Variants in TAMM41 observed in about 807,000 individuals in gnomAD.
The protein encoded by TAMM41 is TAM41 mitochondrial translocator assembly and maintenance homolog.
In TAMM41, 36 loss-of-function variants were observed where a neutral mutation model predicts 44.1. The ratio of observed to expected loss-of-function variants is 0.82; its 90% CI spans 0.63 to 1.08. The LOEUF (loss-of-function observed/expected upper bound fraction) is 1.08. Among genes scored for constraint, TAMM41 ranks in the 50% least tolerant of loss-of-function variants. The probability of loss-of-function intolerance (pLI) is 0.00; values close to 1 mark genes in which losing one functional copy is unlikely to be tolerated. For missense variants in TAMM41, 417 were observed against 404.3 expected (o/e 1.03, Z -0.27); for synonymous variants, 164 against 153.1 (o/e 1.07, Z -0.53).
the TAMM41 span, chr3:11,771,159 C>T: frequency 6.6e-6 from 1 of 152,346 alleles, no homozygotes; most frequent in South Asian, 2.1e-4. Context: ...AGCACAGCCA[C>T]AGTGGGAGGA....
chr3:11,729,793 C>CAAGG, the TAMM41 span, among the ~76,000 whole-genome samples: 14 of 150,406 alleles, frequency 9.3e-5, no homozygotes, highest in Non-Finnish European at 1.9e-4. Flanking sequence ...CTACTGACTG[C>CAAGG]AAGGAAGGAA....
intron 2 of TAMM41, among the ~76,000 whole-genome samples, chr3:11,841,626 A>C (rs1465418500): frequency 6.6e-6 from 1 of 152,228 alleles, no homozygotes; most frequent in East Asian, 1.9e-4. Flanking sequence ...AAAATTACTA[A>C]TTACAGGTAG....
chr3:11,763,472 A>T, the TAMM41 span, among the ~76,000 whole-genome samples: 1 of 152,192 alleles, frequency 6.6e-6, no homozygotes, highest in Non-Finnish European at 1.5e-5. Flanking sequence ...AAAAGATGGG[A>T]AAATTGATAA....
At chr3:11,829,428 G>C (rs1346371846) in intron 4 of TAMM41, among the ~76,000 whole-genome samples, 2 of 152,162 alleles carry the variant, frequency 1.3e-5, no homozygotes, top group African/African-American at 4.8e-5. Flanking sequence ...AGGGCATAGG[G>C]AGTTTTCTGT....
Position 11,839,327 on chromosome 3 carries a change from A to G in TAMM41, c.319-13T>C, listed in dbSNP as rs751972820. ...CATATTTGATAAGCTGAAGGAAAAAAGAAATGGCACAAAACGGAGTAAAAT... is the reference window on the plus strand; with the variant it reads ...CATATTTGATAAGCTGAAGGAAAAAGGAAATGGCACAAAACGGAGTAAAAT... On this transcript the variant is annotated splice_polypyrimidine_tract_variant and intron_variant, in intron 2 of 7. Transcript: ENST00000455809. 9 of 1,552,734 alleles carry G rather than the reference A, an allele frequency of 5.8e-6. No individual in the cohort carries two copies. Among genetic ancestry groups the G allele is most frequent in the Non-Finnish European group, 8.0e-6 (9 of 1,127,456 alleles).
At chr3:11,838,854 C>A (rs971348913) in intron 3 of TAMM41, among the ~76,000 whole-genome samples, 2 of 151,990 alleles carry the variant, frequency 1.3e-5, no homozygotes, top group Non-Finnish European at 2.9e-5. Context: ...GGCTCCCTGG[C>A]AACCAGCCCT....
the TAMM41 span, among the ~76,000 whole-genome samples, chr3:11,746,315 A>AT: frequency 2.6e-5 from 4 of 151,850 alleles, no homozygotes; most frequent in Admixed American, 1.3e-4. Context: ...AAAAAAAAAA[A>AT]AAAAAATTTA....
chr3:11,776,341 C>T, the TAMM41 span, among the ~76,000 whole-genome samples: 1 of 151,556 alleles, frequency 6.6e-6, no homozygotes, highest in Non-Finnish European at 1.5e-5. Context: ...TTTTTAGAGA[C>T]AGGGTCTCAC....
At chr3:11,755,421 A>G in the TAMM41 span, among the ~76,000 whole-genome samples, 1 of 152,178 alleles carries the variant, frequency 6.6e-6, no homozygotes, top group African/African-American at 2.4e-5. Flanking sequence ...CAGGAGAGAA[A>G]GAAGAGGTGA....
rs1012876866 is a variant in TAMM41, at chr3:11,841,310, T to C, written c.319-1996A>G. 2.6e-5 allele frequency among the ~76,000 whole-genome samples: 4 copies of C among 152,140 alleles called. No homozygotes were observed. In the East Asian group the frequency reaches 7.7e-4, roughly 29 times the overall value. On this transcript the variant is annotated intron_variant, in intron 2 of 7. Coordinates refer to ENST00000455809, the MANE Select transcript of TAMM41 (RefSeq NM_001284401.2). ...GTTGCCCAGGCTGGTCTTGAACTCC[T>C]GGGCTCAAGCAATCCATCCACCTTG...
At chr3:11,786,381 C>T (rs186656531), downstream of TAMM41, among the ~76,000 whole-genome samples, 2 of 151,104 alleles carry the variant, frequency 1.3e-5, no homozygotes, top group East Asian at 1.9e-4. Context: ...CTTGGCTCAT[C>T]GCAACCTCCA....
intron 3 of TAMM41, 39 bp from the exon 4 acceptor site, chr3:11,829,903 G>C: frequency 6.3e-7 from 1 of 1,599,886 alleles, no homozygotes; most frequent in Non-Finnish European, 8.6e-7. Context: ...AATTCCAGAA[G>C]TGGAGTATTG....
At chr3:11,842,325 C>T (rs1012263307) in intron 2 of TAMM41, among the ~76,000 whole-genome samples, 1 of 145,984 alleles carries the variant, frequency 6.9e-6, no homozygotes, top group Middle Eastern at 3.7e-3. Flanking sequence ...ACCTGGGAGG[C>T]GGAGGTTGCA....
chr3:11,791,221 A>ACCTAGTAC (rs1330742753), intron 7 of TAMM41, among the ~76,000 whole-genome samples: 2 of 152,164 alleles, frequency 1.3e-5, no homozygotes, highest in African/African-American at 4.8e-5. Flanking sequence ...TGGCCCTGTC[A>ACCTAGTAC]CCTAGTACAG....
chr3:11,744,678 G>A, the TAMM41 span, among the ~76,000 whole-genome samples: 2 of 151,652 alleles, frequency 1.3e-5, no homozygotes, highest in East Asian at 2.0e-4. Context: ...CTAGGCGACA[G>A]AGCAAGACTT....
chr3:11,839,266 G>A lies in TAMM41; in HGVS notation c.367C>T (p.Leu123Phe). The A allele has an allele frequency of 6.2e-7, 1 of 1,613,634 alleles. No homozygotes were observed. Among genetic ancestry groups the A allele is most frequent in the Non-Finnish European group, 8.5e-7 (1 of 1,179,784 alleles). ...GCAATGTATAAGTTATTCCAGTTGA[G>A]GAGATCTTCAATCAGAACGTTAGTG... ...ISTNVLIEDLLNWNNLYIAGR... is the reference protein window; with the variant it reads ...ISTNVLIEDLFNWNNLYIAGR... The change falls in exon 3 of 8, where the codon CTC (leucine) becomes TTC (phenylalanine). Residue 123 changes from leucine (L) to phenylalanine (F), a missense_variant. Leu to Phe is a conservative substitution (Grantham distance 22, BLOSUM62 0). Coordinates refer to ENST00000455809, the MANE Select transcript of TAMM41 (RefSeq NM_001284401.2).
the TAMM41 span, among the ~76,000 whole-genome samples, chr3:11,741,013 G>C: frequency 2.8e-5 from 4 of 140,614 alleles, no homozygotes; most frequent in South Asian, 2.3e-4. Context: ...GAGGTCAGGA[G>C]TTCGAGACCA....
chr3:11,726,646 T>C, the TAMM41 span, among the ~76,000 whole-genome samples: 1 of 151,642 alleles, frequency 6.6e-6, no homozygotes, highest in Non-Finnish European at 1.5e-5. Flanking sequence ...CTACTAAAAG[T>C]ACAAAAATTA....
chr3:11,770,211 T>G, the TAMM41 span, among the ~76,000 whole-genome samples: 1 of 152,178 alleles, frequency 6.6e-6, no homozygotes, highest in African/African-American at 2.4e-5. Context: ...CCGTCTCTTC[T>G]GCAAAATTGG....
Sources: gnomAD v4.1 joint callset for allele counts (sites outside exome capture counted in the v4.1 genomes callset) on GRCh38, gnomAD v4.1.1 for gene constraint, MANE v1.5 for transcripts, NCBI Gene and HGNC (gene_info 2026-07-23, HGNC 2026-07-21) for gene names.